The following NKAIN2 variants were observed in gnomAD, a reference collection of about 807,000 sequenced individuals.
The protein encoded by NKAIN2 is sodium/potassium-transporting ATPase subunit beta-1-interacting protein 2.
In NKAIN2, 14 loss-of-function variants were observed where a neutral mutation model predicts 32.6. The ratio of observed to expected loss-of-function variants is 0.43; its 90% confidence interval spans 0.28 to 0.67. The LOEUF (loss-of-function observed/expected upper bound fraction) is 0.67, where lower values mean the gene tolerates loss of function less well. Ranked by LOEUF, NKAIN2 falls within the 30% of genes least tolerant of loss-of-function variation. The pLI is 0.17. For missense variants in NKAIN2, 198 were observed against 258.3 expected, an observed-to-expected ratio of 0.77 and a Z score of 1.60; for synonymous variants, 80 against 87.2, an observed-to-expected ratio of 0.92 and a Z score of 0.46.
intron 4 of NKAIN2, among the ~76,000 whole-genome samples, chr6:124,737,203 T>TCC (rs2114679178): frequency 6.6e-6 from 1 of 151,936 alleles, no homozygotes; most frequent in South Asian, 2.1e-4. Flanking sequence ...GTTCTCATAA[T>TCC]CCCCATGTGT....
At chr6:123,937,901 T>C (rs968210466) in intron 1 of NKAIN2, among the ~76,000 whole-genome samples, 1 of 152,074 alleles carries the variant, frequency 6.6e-6, no homozygotes, top group Non-Finnish European at 1.5e-5. Flanking sequence ...AAGAGTTTCT[T>C]GAAGAGTGTT....
At chr6:124,192,805 A>C (rs1180791911) in intron 1 of NKAIN2, among the ~76,000 whole-genome samples, 1 of 127,450 alleles carries the variant, frequency 7.8e-6, no homozygotes, top group Admixed American at 1.0e-4. Context: ...GCTGGAGTGC[A>C]GTGGCACGAT....
chr6:124,579,008 T>A (rs1413044719), intron 3 of NKAIN2, among the ~76,000 whole-genome samples: 1 of 152,092 alleles, frequency 6.6e-6, no homozygotes, highest in Non-Finnish European at 1.5e-5. Context: ...TCTCTATGAG[T>A]TTGCGCAAGC....
At chr6:124,083,546 C>G (rs1416979567) in intron 1 of NKAIN2, among the ~76,000 whole-genome samples, 1 of 151,712 alleles carries the variant, frequency 6.6e-6, no homozygotes, top group South Asian at 2.1e-4. Context: ...GCTGTTTCAT[C>G]AATATATACT....
At position 124,205,572 on chromosome 6, in the gene NKAIN2, C is replaced by A. The variant is rs941911419; in HGVS notation, c.55-77433C>A. Among the ~76,000 whole-genome samples the A allele has an allele frequency of 2.9e-4, 44 of 151,466 alleles. No individual in the cohort carries two copies. In the Middle Eastern group the frequency reaches 0.01, roughly 35 times the overall value. The stretch of plus-strand genomic sequence containing the variant: ...TACCCAGTCATCAAAATAGATTATT[C>A]TTCTCAATTTTAGAGTCTGCATATA... On this transcript the variant is annotated intron_variant, in intron 1 of 6. Transcript: ENST00000368417.
chr6:123,882,270 T>G (rs1773489697), intron 1 of NKAIN2, among the ~76,000 whole-genome samples: 1 of 151,986 alleles, frequency 6.6e-6, no homozygotes, highest in Non-Finnish European at 1.5e-5. Context: ...CTTTGGCCAT[T>G]AATTATGAAA....
In NKAIN2 at chr6:124,451,720, CT is replaced by C. The variant is rs1390628638; in HGVS notation, c.273+96376del. Among the ~76,000 whole-genome samples, 5 of 152,096 alleles carry C rather than the reference CT, an allele frequency of 3.3e-5. No homozygotes were observed. In the East Asian group the frequency reaches 9.6e-4, roughly 29 times the overall value. ...TGGAAAAGAATGAATAGATTTCTTT[CT>C]TTATAGATATCTCAAACCTCTAATC... On this transcript the variant is annotated intron_variant, in intron 3 of 6. Coordinates refer to ENST00000368417, the MANE Select transcript of NKAIN2 (RefSeq NM_001040214.3).
At chr6:124,108,163 C>T (rs1297129432) in intron 1 of NKAIN2, among the ~76,000 whole-genome samples, 2 of 152,084 alleles carry the variant, frequency 1.3e-5, no homozygotes, top group African/African-American at 2.4e-5. Context: ...TCCAATATCT[C>T]CACCTCTTTA....
intron 3 of NKAIN2, among the ~76,000 whole-genome samples, chr6:124,570,137 C>T (rs1338347286): frequency 6.6e-6 from 1 of 152,110 alleles, no homozygotes; most frequent in Non-Finnish European, 1.5e-5. Context: ...TTTAGGGTAC[C>T]TGGCAGAAGA....
In NKAIN2 at chr6:124,408,478, G is replaced by C. The variant is rs909367715; in HGVS notation, c.273+53131G>C. 3.0e-4 allele frequency among the ~76,000 whole-genome samples: 46 copies of C among 152,216 alleles called. 1 individual carries two copies. In the South Asian group the frequency reaches 3.1e-3, roughly 10 times the overall value. On this transcript the variant is annotated intron_variant, in intron 3 of 6. Transcript: ENST00000368417. ...AATCCTTTCCCCATTGTTTGTTTTTGTCAGGTTTGTCAAAGATCAGATAGT... is the reference window on the plus strand; with the variant it reads ...AATCCTTTCCCCATTGTTTGTTTTTCTCAGGTTTGTCAAAGATCAGATAGT...
chr6:124,802,618 T>A (rs1780312574), intron 5 of NKAIN2, among the ~76,000 whole-genome samples: 1 of 152,194 alleles, frequency 6.6e-6, no homozygotes, highest in Non-Finnish European at 1.5e-5. Flanking sequence ...TTAGTTCTCA[T>A]CTCCCTCATC....
intron 1 of NKAIN2, among the ~76,000 whole-genome samples, chr6:124,146,268 CA>C (rs977569226): frequency 9.5e-5 from 14 of 148,038 alleles, no homozygotes; most frequent in East Asian, 5.9e-4. Context: ...CAATCGTGGG[CA>C]AAAAAAATGT....
At chr6:124,071,695 A>G (rs1433652296) in intron 1 of NKAIN2, among the ~76,000 whole-genome samples, 1 of 152,204 alleles carries the variant, frequency 6.6e-6, no homozygotes, top group African/African-American at 2.4e-5. Flanking sequence ...AAAAGAAGAT[A>G]TACTAGCGGC....
At chr6:124,624,597 G>A (rs1783232863) in intron 3 of NKAIN2, among the ~76,000 whole-genome samples, 1 of 152,142 alleles carries the variant, frequency 6.6e-6, no homozygotes, top group African/African-American at 2.4e-5. Flanking sequence ...AATCCTAAAT[G>A]TAAGGAAGCC....
intron 5 of NKAIN2, among the ~76,000 whole-genome samples, chr6:124,817,355 C>A (rs529599483): frequency 1.7e-4 from 26 of 151,952 alleles, no homozygotes; most frequent in African/African-American, 6.3e-4. Flanking sequence ...CTGGACACCC[C>A]GATTGAAAGG....
chr6:124,640,741 G>T (rs1009247454), intron 3 of NKAIN2, among the ~76,000 whole-genome samples: 22 of 152,304 alleles, frequency 1.4e-4, no homozygotes, highest in South Asian at 8.3e-4. Flanking sequence ...AACTTTAGAG[G>T]TGGAAAATAA....
intron 2 of NKAIN2, among the ~76,000 whole-genome samples, chr6:124,314,889 A>G (rs144066841): frequency 2.6e-5 from 4 of 152,306 alleles, no homozygotes; most frequent in East Asian, 1.9e-4. Context: ...CTGTTTGAAC[A>G]TACGTTAACC....
intron 1 of NKAIN2, among the ~76,000 whole-genome samples, chr6:124,164,973 T>C (rs1182654360): frequency 6.6e-6 from 1 of 152,102 alleles, no homozygotes; most frequent in East Asian, 1.9e-4. Context: ...TTTAAATGAC[T>C]TTCATGGTCA....
chr6:124,646,229 C>A (rs1251727826), intron 3 of NKAIN2, among the ~76,000 whole-genome samples: 1 of 151,958 alleles, frequency 6.6e-6, no homozygotes, highest in Non-Finnish European at 1.5e-5. Flanking sequence ...AGCCAAGACA[C>A]AATTAAAATA....
Sources: gnomAD v4.1 joint callset for allele counts (sites outside exome capture counted in the v4.1 genomes callset) on GRCh38, gnomAD v4.1.1 for gene constraint, MANE v1.5 for transcripts, NCBI Gene and HGNC (gene_info 2026-07-23, HGNC 2026-07-21) for gene names.